The following SLC24A2 variants were observed in gnomAD, a reference collection of about 807,000 sequenced individuals.
The protein encoded by SLC24A2 is solute carrier family 24 member 2, also known as sodium/potassium/calcium exchanger 2.
A neutral mutation model predicts 62.0 loss-of-function variants in SLC24A2; 36 were observed. The ratio of observed to expected loss-of-function variants is 0.58; its 90% CI spans 0.44 to 0.77. SLC24A2 has a LOEUF of 0.77. Ranked by LOEUF, SLC24A2 falls within the 30% of genes least tolerant of loss-of-function variation. SLC24A2 has a pLI of 0.00. For synonymous variants in SLC24A2, 358 were observed against 294.0 expected (o/e 1.22, Z -2.23); for missense variants, 846 against 817.9 (o/e 1.03, Z -0.42).
intron 4 of SLC24A2, among the ~76,000 whole-genome samples, chr9:19,617,403 G>C (rs1012800897): frequency 5.3e-5 from 8 of 152,056 alleles, no homozygotes; most frequent in Non-Finnish European, 8.8e-5. Context: ...TGTTTGAATT[G>C]TGCATCCTAT....
the SLC24A2 span, among the ~76,000 whole-genome samples, chr9:20,182,695 G>C: frequency 6.6e-6 from 1 of 152,110 alleles, no homozygotes; most frequent in African/African-American, 2.4e-5. Context: ...ATGACGAGTT[G>C]ATGGGTGCAG....
the SLC24A2 span, among the ~76,000 whole-genome samples, chr9:20,126,389 T>C: frequency 5.3e-5 from 8 of 152,146 alleles, no homozygotes; most frequent in Admixed American, 5.2e-4. Context: ...TTTTTCTAGA[T>C]ATTAAACTTC....
At chr9:19,832,283 T>A in the SLC24A2 span, among the ~76,000 whole-genome samples, 1 of 152,260 alleles carries the variant, frequency 6.6e-6, no homozygotes, top group Non-Finnish European at 1.5e-5. Flanking sequence ...GTAATTTGGC[T>A]GATTTTAAAT....
At chr9:19,916,075 A>G in the SLC24A2 span, among the ~76,000 whole-genome samples, 1 of 152,064 alleles carries the variant, frequency 6.6e-6, no homozygotes, top group Non-Finnish European at 1.5e-5. Flanking sequence ...CGTTAGAGAT[A>G]ATTTCTATAA....
the SLC24A2 span, among the ~76,000 whole-genome samples, chr9:19,903,003 G>A: frequency 1.8e-3 from 279 of 151,664 alleles, 1 homozygote; most frequent in African/African-American, 6.5e-3. Flanking sequence ...AAGAGTCACT[G>A]AGTATCAAAG....
At chr9:20,003,505 A>G in the SLC24A2 span, among the ~76,000 whole-genome samples, 3 of 152,020 alleles carry the variant, frequency 2.0e-5, no homozygotes, top group Middle Eastern at 3.4e-3. Context: ...CTTTTTTTTT[A>G]AAGTATGAAC....
At chr9:20,116,403 T>C in the SLC24A2 span, among the ~76,000 whole-genome samples, 1 of 152,192 alleles carries the variant, frequency 6.6e-6, no homozygotes, top group Admixed American at 6.6e-5. Context: ...CTGGGCATTC[T>C]GATAGAGGGT....
the SLC24A2 span, among the ~76,000 whole-genome samples, chr9:19,861,534 T>A: frequency 6.6e-6 from 1 of 152,062 alleles, no homozygotes; most frequent in African/African-American, 2.4e-5. Context: ...CAGACACAGA[T>A]GAACATCTAC....
At chr9:19,664,016 G>C (rs1819178529) in intron 2 of SLC24A2, among the ~76,000 whole-genome samples, 1 of 152,234 alleles carries the variant, frequency 6.6e-6, no homozygotes, top group Non-Finnish European at 1.5e-5. Context: ...GAGCACTGTG[G>C]TGCCTCGCCT....
At chr9:20,018,899 A>G in the SLC24A2 span, among the ~76,000 whole-genome samples, 5 of 152,160 alleles carry the variant, frequency 3.3e-5, no homozygotes, top group African/African-American at 1.2e-4. Flanking sequence ...CCCTGTGTCT[A>G]CAAAACATGC....
the SLC24A2 span, among the ~76,000 whole-genome samples, chr9:19,961,016 AGG>A: frequency 8.3e-6 from 1 of 120,246 alleles, no homozygotes; most frequent in African/African-American, 3.0e-5. Context: ...TCAGGATTAG[AGG>A]GGTGGGTGTG....
the SLC24A2 span, among the ~76,000 whole-genome samples, chr9:20,139,868 C>G: frequency 6.3e-4 from 96 of 152,314 alleles, no homozygotes; most frequent in African/African-American, 2.3e-3. Context: ...TGAAGGCTGT[C>G]AGCACTTTGC....
At chr9:20,095,360 AT>A in the SLC24A2 span, among the ~76,000 whole-genome samples, 1 of 152,344 alleles carries the variant, frequency 6.6e-6, no homozygotes, top group East Asian at 1.9e-4. Flanking sequence ...GTGCCTAGAT[AT>A]TTGGTCAAAC....
chr9:20,022,966 G>A, the SLC24A2 span, among the ~76,000 whole-genome samples: 1 of 152,122 alleles, frequency 6.6e-6, no homozygotes, highest in Non-Finnish European at 1.5e-5. Context: ...AAGAAGGTGG[G>A]GATCTGGAGC....
At chr9:19,643,281 G>A (rs1412971975) in intron 2 of SLC24A2, among the ~76,000 whole-genome samples, 1 of 151,962 alleles carries the variant, frequency 6.6e-6, no homozygotes, top group Non-Finnish European at 1.5e-5. Flanking sequence ...CTTTCCCACT[G>A]AACTATCTGC....
the SLC24A2 span, among the ~76,000 whole-genome samples, chr9:20,028,283 C>G: frequency 1.3e-5 from 2 of 152,162 alleles, no homozygotes; most frequent in African/African-American, 2.4e-5. Context: ...CCAGCCTAAG[C>G]TTTGCTTGTC....
At chr9:20,139,531 G>T in the SLC24A2 span, among the ~76,000 whole-genome samples, 3 of 152,162 alleles carry the variant, frequency 2.0e-5, no homozygotes, top group African/African-American at 7.2e-5. Context: ...GAATTCCAAA[G>T]CACTTGATTC....
the SLC24A2 span, among the ~76,000 whole-genome samples, chr9:20,268,660 A>G: frequency 1.3e-5 from 2 of 152,200 alleles, no homozygotes; most frequent in Non-Finnish European, 2.9e-5. Context: ...TGACAAATAA[A>G]TTATATAGCC....
the SLC24A2 span, among the ~76,000 whole-genome samples, chr9:20,258,757 CTCTCATTTA>C: frequency 6.7e-6 from 1 of 148,486 alleles, no homozygotes; most frequent in Middle Eastern, 3.4e-3. Context: ...AATGAATCTC[CTCTCATTTA>C]TCTATCTATC....
Sources: allele counts gnomAD v4.1 joint callset (sites outside exome capture counted in the v4.1 genomes callset), GRCh38; gene constraint gnomAD v4.1.1; transcripts MANE v1.5; gene names NCBI Gene and HGNC (gene_info 2026-07-23, HGNC 2026-07-21).